Variants in ARHGEF18 observed in about 807,000 individuals in gnomAD.
The protein encoded by ARHGEF18 is Rho/Rac guanine nucleotide exchange factor 18, also known as rho guanine nucleotide exchange factor 18.
ARHGEF18 carries 93 observed loss-of-function variants against 155.7 expected under a neutral mutation model. That is an observed-to-expected ratio of 0.60 (90% confidence interval 0.50 to 0.71). ARHGEF18 has a LOEUF of 0.71. Ranked by LOEUF, ARHGEF18 falls within the 30% of genes least tolerant of loss-of-function variation. The pLI, the probability that ARHGEF18 is intolerant of heterozygous loss-of-function variation, is 0.00. For missense variants in ARHGEF18, 1,593 were observed against 1,816.1 expected, an observed-to-expected ratio of 0.88 and a Z score of 2.23; for synonymous variants, 742 against 753.1, an observed-to-expected ratio of 0.99 and a Z score of 0.24.
chr19:7,479,564 G>A, the ARHGEF18 span, among the ~76,000 whole-genome samples: 51 of 152,348 alleles, frequency 3.3e-4, no homozygotes, highest in African/African-American at 9.4e-4. Flanking sequence ...CGGCAGCCCT[G>A]GGCCTTAGGG....
intron 10 of ARHGEF18, among the ~76,000 whole-genome samples, chr19:7,391,469 C>T (rs1284086197): frequency 6.6e-6 from 1 of 152,108 alleles, no homozygotes; most frequent in Non-Finnish European, 1.5e-5. Flanking sequence ...ACCTATCCCT[C>T]CACGCTTCTC....
chr19:7,466,619 A>G (rs1000444897), intron 23 of ARHGEF18, among the ~76,000 whole-genome samples: 4 of 151,272 alleles, frequency 2.6e-5, no homozygotes, highest in Middle Eastern at 6.4e-3. Context: ...CCTGGCCAAC[A>G]TGGTGAAACT....
chr19:7,426,029 A>G (rs181250125), intron 10 of ARHGEF18, among the ~76,000 whole-genome samples: 2 of 152,036 alleles, frequency 1.3e-5, no homozygotes, highest in African/African-American at 4.8e-5. Flanking sequence ...AAAATAGGAA[A>G]TTAGCCAGGC....
chr19:7,373,850 T>G (rs1600219823), intron 3 of ARHGEF18, among the ~76,000 whole-genome samples: 2 of 50,592 alleles, frequency 4.0e-5, no homozygotes, highest in Non-Finnish European at 6.9e-5. Flanking sequence ...CCTATGAGAA[T>G]TTTTTTTTTT....
Position 7,469,966 on chromosome 19 carries a change from T to C in ARHGEF18, c.3850T>C (p.Ser1284Pro). The C allele has an allele frequency of 6.2e-7, 1 of 1,612,808 alleles. No individual in the cohort carries two copies. The highest frequency in any genetic ancestry group is 8.5e-7 in the Non-Finnish European group (1 of 1,179,824). ...NKLMGKDEST[S>P]RNRRSLSPIL... is the part of the protein sequence containing the mutation. ...GCTCATGGGGAAAGATGAGAGCACCTCACGGAACCGCCGCTCGCTGAGCCC... is the reference window on the plus strand; with the variant it reads ...GCTCATGGGGAAAGATGAGAGCACCCCACGGAACCGCCGCTCGCTGAGCCC... Residue 1284 changes from serine to proline, a missense_variant, in exon 28 of 29, where the codon TCA becomes CCA. Physicochemically the swap from Ser to Pro is moderately conservative, Grantham distance 74. Transcript: ENST00000668164.
At position 7,467,571 on chromosome 19, in the gene ARHGEF18, C is replaced by T; in HGVS notation, c.3367C>T (p.Leu1123=). The change falls in exon 26 of 29, where the codon CTG becomes TTG. Residue 1123 remains leucine, a synonymous_variant. Transcript: ENST00000668164. ...RQAYQHDLER[L]REAQRAVERE... ...GGCCTACCAGCACGACCTGGAGCGG[C>T]TGCGCGAGGCCCAGCGTGCCGTGGA... is the stretch of plus-strand genomic sequence containing the variant. The T allele has an allele frequency of 2.7e-6, 4 of 1,494,866 alleles. No individual in the cohort carries two copies. Among genetic ancestry groups the T allele is most frequent in the Non-Finnish European group, 3.5e-6 (4 of 1,130,804 alleles). The allele number at this position is 1,494,866 out of a possible 1,614,324, so 92.6% of individuals were successfully genotyped here.
In ARHGEF18 at chr19:7,359,919, C is replaced by A. The variant is rs546706148; in HGVS notation, c.-110-2862C>A. 7.2e-5 allele frequency among the ~76,000 whole-genome samples: 11 copies of A among 152,194 alleles called. 1 individual carries two copies. Among genetic ancestry groups the A allele is most frequent in the African/African-American group, 2.2e-4 (9 of 41,538 alleles). On this transcript the variant is annotated intron_variant, in intron 1 of 28. Transcript: ENST00000668164. ...CCTGTAATCCCAGCACTTTGGGAGG[C>A]CGAGGTGGGAGGATCATATGAGACC...
rs1555698656 is a variant in ARHGEF18 at position 7,364,390 on chromosome 19, A to AAGGAAGGAAGGG, written c.15+1496_15+1497insGAGGAAGGAAGG. On this transcript the variant is annotated intron_variant, in intron 2 of 28. Transcript: ENST00000668164. Reference sequence around the variant, plus strand: ...AAAGGAAGGAAGGAAGGAAGGAAGGAAGGAAGGAAGGAAGGCAGGCTGACT... The same window carrying AAGGAAGGAAGGG: ...AAAGGAAGGAAGGAAGGAAGGAAGGAAGGAAGGAAGGGAGGAAGGAAGGAAGGCAGGCTGACT... Among the ~76,000 whole-genome samples the AAGGAAGGAAGGG allele has an allele frequency of 6.5e-3, 961 of 147,216 alleles. 12 individuals carry two copies. Among genetic ancestry groups the AAGGAAGGAAGGG allele is most frequent in the African/African-American group, 0.023 (915 of 39,956 alleles).
rs528840366 is a variant in ARHGEF18 at position 7,453,211 on chromosome 19, C to A, written c.1856-256C>A. Among the ~76,000 whole-genome samples, 472 of 151,950 alleles carry A rather than the reference C, an allele frequency of 3.1e-3. 3 individuals are homozygous for A. The highest frequency in any genetic ancestry group is 3.8e-3 in the Non-Finnish European group (260 of 67,938). ...GACTCCGTCCACCCTACCCTCCCCC[C>A]CCCAAAAAAAACCTAAACTCTGACG... On this transcript the variant is annotated intron_variant, in intron 16 of 28. Transcript: ENST00000668164.
rs1159186670 is a variant in ARHGEF18 at position 7,457,353 on chromosome 19, C to CTTTTTTTTTT, written c.2181+968_2181+977dup. On this transcript the variant is annotated intron_variant, in intron 18 of 28. Transcript: ENST00000668164. ...ATCTCATTTTGCCATAATCACCTCT[C>CTTTTTTTTTT]TTTTTTTTTTTTTTTTTTTTTTTTT... 1.2e-3 allele frequency among the ~76,000 whole-genome samples: 71 copies of CTTTTTTTTTT among 60,234 alleles called. 9 individuals carry two copies. Among genetic ancestry groups the CTTTTTTTTTT allele is most frequent in the African/African-American group, 5.3e-3 (66 of 12,342 alleles). The allele number at this position is 60,234 out of a possible 152,430, so 39.5% of individuals were successfully genotyped here. A position where few individuals can be genotyped will look rare whatever the true frequency, so the allele number is the denominator to read the frequency against.
intron 17 of ARHGEF18, among the ~76,000 whole-genome samples, chr19:7,455,384 T>C (rs1339704365): frequency 6.6e-6 from 1 of 152,226 alleles, no homozygotes; most frequent in East Asian, 1.9e-4. Context: ...CAAAAGCGTA[T>C]CTGACTTAGA....
At chr19:7,402,484 C>T (rs1462189068) in intron 10 of ARHGEF18, among the ~76,000 whole-genome samples, 1 of 152,068 alleles carries the variant, frequency 6.6e-6, no homozygotes, top group African/African-American at 2.4e-5. Context: ...TGTGAACATA[C>T]TAAGAACCAT....
At chr19:7,355,749 G>T in intron 1 of ARHGEF18, 1 of 981,314 alleles carries the variant, frequency 1.0e-6, no homozygotes, top group Non-Finnish European at 1.2e-6. Context: ...CCCAGGTGGG[G>T]ATCCCAGGAC....
chr19:7,476,214 G>A (rs773436749), downstream of ARHGEF18, among the ~76,000 whole-genome samples: 9 of 152,238 alleles, frequency 5.9e-5, no homozygotes, highest in South Asian at 2.1e-4. Context: ...AGGAGGCTGA[G>A]GTAGGAGGAT....
At chr19:7,459,302 AC>A (rs1354137701) in intron 19 of ARHGEF18, among the ~76,000 whole-genome samples, 1 of 152,022 alleles carries the variant, frequency 6.6e-6, no homozygotes, top group African/African-American at 2.4e-5. Context: ...GCTTATTGCA[AC>A]CCAAACTCCT....
chr19:7,479,320 C>A, the ARHGEF18 span, among the ~76,000 whole-genome samples: 1 of 152,134 alleles, frequency 6.6e-6, no homozygotes, highest in South Asian at 2.1e-4. Context: ...CCTGTCTCTA[C>A]TAAAAATACA....
intron 16 of ARHGEF18, 42 bp downstream of exon 16, chr19:7,451,308 A>C: frequency 6.4e-7 from 1 of 1,564,914 alleles, no homozygotes; most frequent in South Asian, 1.1e-5. Flanking sequence ...GTGCTGCTGC[A>C]GCACAGGGCT....
chr19:7,469,579 C>CCTGGTGTCCT (rs1222658435), intron 27 of ARHGEF18, among the ~76,000 whole-genome samples: 2 of 152,180 alleles, frequency 1.3e-5, no homozygotes, highest in Non-Finnish European at 2.9e-5. Flanking sequence ...GGGACACCTC[C>CCTGGTGTCCT]CTGGGGGACA....
At position 7,440,270 on chromosome 19, in the gene ARHGEF18, G is replaced by A. The variant is rs1160724344; in HGVS notation, c.968-74G>A. Reference sequence around the variant, plus strand: ...CTGTGCTGCGGCCGCAGTCGGAGCGGGGCTTCCGCGCCGGGGACCTCCGCT... The same window carrying A: ...CTGTGCTGCGGCCGCAGTCGGAGCGAGGCTTCCGCGCCGGGGACCTCCGCT... On this transcript the variant is annotated intron_variant, in intron 10 of 28. Coordinates refer to ENST00000668164, the MANE Select transcript of ARHGEF18 (RefSeq NM_001367823.1). This position sits in a 1 kb window ranked among gnomAD's most constrained non-coding sequence, Gnocchi z 5.4. 4 of 1,560,756 alleles carry A rather than the reference G, an allele frequency of 2.6e-6. No homozygotes were observed. The East Asian group carries it at 9.7e-5, about 38-fold the overall frequency.
Sources: allele counts gnomAD v4.1 joint callset (sites outside exome capture counted in the v4.1 genomes callset), GRCh38; gene constraint gnomAD v4.1.1; non-coding constraint Gnocchi (gnomAD v3.1); transcripts MANE v1.5; gene names NCBI Gene and HGNC (gene_info 2026-07-23, HGNC 2026-07-21).